ABI2: variants seen among roughly 807,000 people sequenced by gnomAD.
ABI2 encodes the protein abelson interactor 2.
ABI2 carries 25 observed loss-of-function variants against 59.2 expected under a neutral mutation model. The observed-to-expected ratio is 0.42, with a 90% confidence interval of 0.31 to 0.59. The LOEUF is 0.59. Ranked by LOEUF, ABI2 falls within the 20% of genes least tolerant of loss-of-function variation. The pLI is 0.14. For missense variants in ABI2, 545 were observed against 681.8 expected, an observed-to-expected ratio of 0.80 and a Z score of 2.23; for synonymous variants, 213 against 235.5, an observed-to-expected ratio of 0.90 and a Z score of 0.87.
At chr2:203,392,123 A>G (rs1229945847) in intron 5 of ABI2, among the ~76,000 whole-genome samples, 3 of 152,202 alleles carry the variant, frequency 2.0e-5, no homozygotes, top group African/African-American at 4.8e-5. Context: ...TTTGTCCTCT[A>G]TAAATTTTTC....
At chr2:203,368,701 T>C (rs1268889917) in intron 2 of ABI2, among the ~76,000 whole-genome samples, 2 of 152,172 alleles carry the variant, frequency 1.3e-5, no homozygotes, top group Non-Finnish European at 2.9e-5. Context: ...CTTGTTATAT[T>C]GTGTATCTTA....
intron 1 of ABI2, among the ~76,000 whole-genome samples, chr2:203,345,596 A>G (rs570604450): frequency 6.6e-6 from 1 of 152,086 alleles, no homozygotes; most frequent in African/African-American, 2.4e-5. Flanking sequence ...TTTAGTAGAG[A>G]TGGGGTTTCA....
At chr2:203,387,997 T>C (rs1298201288) in intron 4 of ABI2, among the ~76,000 whole-genome samples, 1 of 152,172 alleles carries the variant, frequency 6.6e-6, no homozygotes. Context: ...AATATATTTT[T>C]ATATTTACCA....
At chr2:203,385,233 G>A (rs991364198) in intron 4 of ABI2, among the ~76,000 whole-genome samples, 9 of 148,410 alleles carry the variant, frequency 6.1e-5, no homozygotes, top group African/African-American at 2.0e-4. Context: ...CAGGTTTCAC[G>A]CCATTCTCCT....
rs182026743 is a variant in ABI2 at position 203,346,509 on chromosome 2, G to C, written c.117+17878G>C. Among the ~76,000 whole-genome samples, 7 of 152,294 alleles carry C rather than the reference G, an allele frequency of 4.6e-5. No homozygotes were observed. In the East Asian group the frequency reaches 1.3e-3, roughly 29 times the overall value. On this transcript the variant is annotated intron_variant, in intron 1 of 11. Coordinates refer to ENST00000261018, the MANE Select transcript of ABI2 (RefSeq NM_001375670.1). ...TTTGAGAAATACTGGTCTGTGTTTTGGGTTTATCCATTACTGGAGTTGCAC... is the reference window on the plus strand; with the variant it reads ...TTTGAGAAATACTGGTCTGTGTTTTCGGTTTATCCATTACTGGAGTTGCAC...
At chr2:203,416,029 G>A (rs1396326648) in intron 10 of ABI2, among the ~76,000 whole-genome samples, 1 of 152,172 alleles carries the variant, frequency 6.6e-6, no homozygotes, top group Non-Finnish European at 1.5e-5. Context: ...CATCCTCATA[G>A]ATGAAGTAAC....
At chr2:203,426,803 A>C (rs1239004775) in intron 11 of ABI2, among the ~76,000 whole-genome samples, 80 of 146,974 alleles carry the variant, frequency 5.4e-4, no homozygotes, top group Non-Finnish European at 7.4e-5. Flanking sequence ...AAAAAAAAAA[A>C]ACCACAATAT....
intron 1 of ABI2, among the ~76,000 whole-genome samples, chr2:203,343,543 ATCTCCAACTCC>A (rs2081345836): frequency 1.3e-5 from 2 of 151,944 alleles, no homozygotes; most frequent in African/African-American, 4.8e-5. Context: ...GCTCAGGGTG[ATCTCCAACTCC>A]TGACCTCAAA....
At chr2:203,398,864 T>A (rs573054275) in intron 8 of ABI2, among the ~76,000 whole-genome samples, 1 of 152,354 alleles carries the variant, frequency 6.6e-6, no homozygotes, top group African/African-American at 2.4e-5. Flanking sequence ...ACCCATGTTG[T>A]TGCATGTTTA....
intron 4 of ABI2, chr2:203,383,398 A>T (rs2096259305): frequency 6.5e-6 from 1 of 154,672 alleles, no homozygotes; most frequent in African/African-American, 2.4e-5. Context: ...CCAAAAGCAG[A>T]CTGTGGCTGC....
At chr2:203,396,392 T>C (rs1306795818) in intron 7 of ABI2, among the ~76,000 whole-genome samples, 1 of 152,220 alleles carries the variant, frequency 6.6e-6, no homozygotes, top group African/African-American at 2.4e-5. Context: ...AATCTGATAA[T>C]ATGGAATATG....
intron 1 of ABI2, among the ~76,000 whole-genome samples, chr2:203,348,721 T>G (rs1414397023): frequency 6.6e-6 from 1 of 152,120 alleles, no homozygotes; most frequent in Non-Finnish European, 1.5e-5. Context: ...GGTACAGAGA[T>G]TTCTCATGTA....
intron 5 of ABI2, among the ~76,000 whole-genome samples, chr2:203,393,062 T>A (rs917668379): frequency 6.6e-6 from 1 of 152,326 alleles, no homozygotes; most frequent in Admixed American, 6.5e-5. Flanking sequence ...CAGAACTTAT[T>A]TTTTTGAGAC....
chr2:203,342,320 A>C (rs1249982405), intron 1 of ABI2: 4 of 431,002 alleles, frequency 9.3e-6, no homozygotes, highest in African/African-American at 8.2e-5. Context: ...ATGGAGTTGA[A>C]CTGCATATAA....
intron 1 of ABI2, among the ~76,000 whole-genome samples, chr2:203,363,851 G>T (rs1418509035): frequency 6.6e-6 from 1 of 151,966 alleles, no homozygotes; most frequent in Non-Finnish European, 1.5e-5. Flanking sequence ...TGCAACCTCT[G>T]CCTCCTGGGT....
chr2:203,395,511 G>T, intron 6 of ABI2, 145 bp from the exon 7 acceptor site: 1 of 689,776 alleles, frequency 1.4e-6, no homozygotes, highest in Non-Finnish European at 2.1e-6. Flanking sequence ...TCACTGACTT[G>T]GAGCTCAAGG....
chr2:203,347,481 A>G (rs2084410524), intron 1 of ABI2, among the ~76,000 whole-genome samples: 1 of 152,214 alleles, frequency 6.6e-6, no homozygotes, highest in East Asian at 1.9e-4. Context: ...CATGTAGTAA[A>G]TGGCATGATG....
At chr2:203,368,902 G>A (rs1017610878) in intron 2 of ABI2, among the ~76,000 whole-genome samples, 9 of 149,238 alleles carry the variant, frequency 6.0e-5, no homozygotes, top group Non-Finnish European at 8.9e-5. Context: ...CTGCAACCTC[G>A]AACTCCTGGG....
chr2:203,346,718 T>A (rs772498574), intron 1 of ABI2, among the ~76,000 whole-genome samples: 11 of 152,234 alleles, frequency 7.2e-5, no homozygotes, highest in Non-Finnish European at 1.5e-4. Flanking sequence ...TGAATTAACT[T>A]CTTTAAGGGA....
Sources: allele counts gnomAD v4.1 joint callset (sites outside exome capture counted in the v4.1 genomes callset), GRCh38; gene constraint gnomAD v4.1.1; transcripts MANE v1.5; gene names NCBI Gene and HGNC (gene_info 2026-07-23, HGNC 2026-07-21).